The following FAF1 variants were observed in gnomAD, a reference collection of about 807,000 sequenced individuals.
FAF1 encodes FAS-associated factor 1.
Under a neutral mutation model 92.5 loss-of-function variants are expected in FAF1, and 25 were observed. The ratio of observed to expected loss-of-function variants is 0.27; its 90% CI spans 0.20 to 0.38. FAF1 has a LOEUF of 0.38. Ranked by LOEUF, FAF1 falls within the 10% of genes least tolerant of loss-of-function variation. The pLI is 1.00. For missense variants in FAF1, 636 were observed against 793.3 expected (o/e 0.80, Z 2.38); for synonymous variants, 234 against 273.2 (o/e 0.86, Z 1.42).
At chr1:50,953,257 G>A (rs949088311) in intron 1 of FAF1, among the ~76,000 whole-genome samples, 1 of 152,052 alleles carries the variant, frequency 6.6e-6, no homozygotes, top group African/African-American at 2.4e-5. Context: ...AAACACTGCG[G>A]AAGGCCCCAG....
intron 7 of FAF1, among the ~76,000 whole-genome samples, chr1:50,686,980 C>T (rs1488688625): frequency 2.0e-5 from 3 of 152,052 alleles, no homozygotes; most frequent in African/African-American, 4.8e-5. Context: ...AGGCGCATGC[C>T]ACCACGCCCA....
At chr1:50,603,819 G>A (rs1572863221) in intron 8 of FAF1, among the ~76,000 whole-genome samples, 1 of 152,118 alleles carries the variant, frequency 6.6e-6, no homozygotes, top group African/African-American at 2.4e-5. Flanking sequence ...AAAGCACACT[G>A]TTAAAAAGGA....
intron 1 of FAF1, among the ~76,000 whole-genome samples, chr1:50,879,140 G>A (rs1187386353): frequency 1.3e-5 from 2 of 152,120 alleles, no homozygotes. Flanking sequence ...AGCTGCTGGG[G>A]AGGCTGAGGT....
chr1:50,637,073 T>C (rs1654050922), intron 8 of FAF1, among the ~76,000 whole-genome samples: 2 of 152,000 alleles, frequency 1.3e-5, no homozygotes, highest in Non-Finnish European at 2.9e-5. Context: ...AAATATCACA[T>C]TGTATTGAAT....
chr1:50,442,196 C>T lies in FAF1; in HGVS notation c.1870-673G>A, dbSNP rs563570445. 5.3e-5 allele frequency among the ~76,000 whole-genome samples: 8 copies of T among 152,090 alleles called. No homozygotes were observed. The East Asian group carries it at 1.5e-3, about 29-fold the overall frequency. ...CAGGGATCCTAAATTAGGTTTATGC[C>T]CTCCTAGGCAACGGGCAGGGATGGG... On this transcript the variant is annotated intron_variant, in intron 18 of 18. Transcript: ENST00000396153.
intron 8 of FAF1, among the ~76,000 whole-genome samples, chr1:50,635,297 C>T (rs1653959970): frequency 6.6e-6 from 1 of 152,240 alleles, no homozygotes; most frequent in African/African-American, 2.4e-5. Flanking sequence ...TAAACCTTCA[C>T]ATTCAGTTTA....
At chr1:50,887,862 C>A (rs187706866) in intron 1 of FAF1, among the ~76,000 whole-genome samples, 144 of 152,266 alleles carry the variant, frequency 9.5e-4, no homozygotes, top group African/African-American at 3.3e-3. Context: ...GCAAGGCAGG[C>A]TCTTTTTTGG....
chr1:50,686,584 G>A, intron 7 of FAF1, among the ~76,000 whole-genome samples: 1 of 132,894 alleles, frequency 7.5e-6, no homozygotes, highest in Non-Finnish European at 1.6e-5. Flanking sequence ...GGGAAGGGGA[G>A]AGGAGGGAAA....
intron 1 of FAF1, among the ~76,000 whole-genome samples, chr1:50,863,718 A>C (rs959889287): frequency 1.8e-4 from 27 of 152,044 alleles, no homozygotes; most frequent in South Asian, 2.1e-4. Flanking sequence ...CTGGCCTCAT[A>C]AAATGAGTTA....
chr1:50,750,748 C>T (rs1268057506), intron 4 of FAF1, among the ~76,000 whole-genome samples: 2 of 151,622 alleles, frequency 1.3e-5, no homozygotes, highest in South Asian at 2.1e-4. Flanking sequence ...CTCTGCCTCC[C>T]GAGTAGCTGG....
chr1:50,951,944 T>C (rs1280817456), intron 1 of FAF1, among the ~76,000 whole-genome samples: 1 of 152,172 alleles, frequency 6.6e-6, no homozygotes, highest in Non-Finnish European at 1.5e-5. Flanking sequence ...GAGAAAATAT[T>C]ATAAACGGAC....
intron 2 of FAF1, among the ~76,000 whole-genome samples, chr1:50,842,492 A>G (rs1644263934): frequency 6.6e-6 from 1 of 152,134 alleles, no homozygotes; most frequent in South Asian, 2.1e-4. Flanking sequence ...TTATCAAACT[A>G]AAATATTCTT....
intron 13 of FAF1, among the ~76,000 whole-genome samples, chr1:50,549,411 C>T (rs563382119): frequency 7.2e-5 from 11 of 152,118 alleles, no homozygotes; most frequent in Admixed American, 2.6e-4. Context: ...TGGGCTCAAG[C>T]GATCCTTCTG....
intron 9 of FAF1, among the ~76,000 whole-genome samples, chr1:50,594,529 A>G (rs1365177390): frequency 6.7e-6 from 1 of 149,838 alleles, no homozygotes; most frequent in Non-Finnish European, 1.5e-5. Flanking sequence ...TGCTGTTTGT[A>G]GCCATGGAAC....
chr1:50,948,959 A>T (rs2124760707), intron 1 of FAF1, among the ~76,000 whole-genome samples: 1 of 152,310 alleles, frequency 6.6e-6, no homozygotes, highest in Middle Eastern at 3.4e-3. Context: ...ACCCACCTCC[A>T]ACTTTGGAGG....
chr1:50,546,607 T>G (rs10888693), intron 13 of FAF1, among the ~76,000 whole-genome samples: 32,738 of 152,018 alleles, frequency 0.22, 4,563 homozygotes, highest in African/African-American at 0.4. Context: ...CTTGTGATCC[T>G]CCTGCCTCAG....
rs776043803 is a variant in FAF1, at chr1:50,655,534, AAAAG to A, written c.658-10_658-7del. The A allele has an allele frequency of 1.3e-6, 2 of 1,561,532 alleles. No homozygotes were observed. The highest frequency in any genetic ancestry group is 1.7e-5 in the Admixed American group (1 of 58,782). On this transcript the variant is annotated splice_polypyrimidine_tract_variant and splice_region_variant and intron_variant, in intron 7 of 18. Transcript: ENST00000396153. ...TCATACACATTTCTCTTTACCTATGAAAAGAAAGAAACAGGACAATTAAAATAGA... is the reference window on the plus strand; with the variant it reads ...TCATACACATTTCTCTTTACCTATGAAAAGAAACAGGACAATTAAAATAGA...
chr1:50,468,441 C>T (rs181323325), intron 18 of FAF1, among the ~76,000 whole-genome samples: 245 of 148,674 alleles, frequency 1.6e-3, no homozygotes, highest in African/African-American at 5.7e-3. Context: ...TACAGGTGCA[C>T]GCCACTACAC....
chr1:50,534,168 A>G (rs1648338897), intron 15 of FAF1, among the ~76,000 whole-genome samples: 1 of 152,162 alleles, frequency 6.6e-6, no homozygotes, highest in African/African-American at 2.4e-5. Context: ...TAGGCCACCA[A>G]GGTTGGCTAT....
Sources: allele counts gnomAD v4.1 joint callset (sites outside exome capture counted in the v4.1 genomes callset), GRCh38; gene constraint gnomAD v4.1.1; transcripts MANE v1.5; gene names NCBI Gene and HGNC (gene_info 2026-07-23, HGNC 2026-07-21).